Variants in KCNT2 observed in about 807,000 individuals in gnomAD.
KCNT2 encodes the protein potassium channel subfamily T member 2.
KCNT2 carries 67 observed loss-of-function variants against 153.8 expected under a neutral mutation model. That is an observed-to-expected ratio of 0.44 (90% CI 0.36 to 0.53). The LOEUF (loss-of-function observed/expected upper bound fraction) is 0.53, where lower values mean the gene tolerates loss of function less well. Among genes scored for constraint, KCNT2 ranks in the 20% least tolerant of loss-of-function variants. KCNT2 has a pLI of 0.00. For synonymous variants in KCNT2, 500 were observed against 458.8 expected (o/e 1.09, Z -1.15); for missense variants, 975 against 1,354.8 (o/e 0.72, Z 4.40).
At chr1:196,274,421 T>G (rs1174522055) in intron 25 of KCNT2, among the ~76,000 whole-genome samples, 1 of 151,668 alleles carries the variant, frequency 6.6e-6, no homozygotes. Context: ...TTCTTGAAAC[T>G]ATTTCAGGAT....
At chr1:196,343,041 G>C (rs1428429098) in intron 14 of KCNT2, 2 of 152,158 alleles carry the variant, frequency 1.3e-5, no homozygotes, top group African/African-American at 4.8e-5. Flanking sequence ...TTAAAACTCA[G>C]AAGGGGGCCC....
chr1:196,441,211 A>G (rs1359071160), intron 8 of KCNT2, among the ~76,000 whole-genome samples: 5 of 151,860 alleles, frequency 3.3e-5, no homozygotes, highest in Non-Finnish European at 7.4e-5. Context: ...TTAAACACCT[A>G]TGAAACATCT....
intron 11 of KCNT2, 27 bp from the exon 12 acceptor site, chr1:196,423,140 A>T: frequency 6.9e-7 from 1 of 1,453,420 alleles, no homozygotes; most frequent in Non-Finnish European, 9.5e-7. Flanking sequence ...AAACAAAATA[A>T]TCACACACTG....
At chr1:196,266,118 A>G (rs999370154) in intron 25 of KCNT2, among the ~76,000 whole-genome samples, 2 of 152,194 alleles carry the variant, frequency 1.3e-5, no homozygotes, top group African/African-American at 4.8e-5. Flanking sequence ...CCACTTGGAA[A>G]TTCTTAAATT....
chr1:196,287,123 A>G (rs894928025), intron 22 of KCNT2, among the ~76,000 whole-genome samples: 2 of 152,078 alleles, frequency 1.3e-5, no homozygotes, highest in African/African-American at 4.8e-5. Flanking sequence ...GGGAGAAGGT[A>G]AGGCAAAGGA....
chr1:196,228,359 T>A (rs1653654266), intron 27 of KCNT2, 24 bp from the exon 28 acceptor site: 1 of 1,278,250 alleles, frequency 7.8e-7, no homozygotes, highest in Admixed American at 1.9e-5. Context: ...ACAAAATAAA[T>A]AACTTTGCAA....
rs143860054 is a variant in KCNT2 at position 196,429,008 on chromosome 1, CTT to C, written c.819+567_819+568del. Among the ~76,000 whole-genome samples the C allele has an allele frequency of 7.3e-4, 101 of 138,806 alleles. 1 individual carries two copies. Among genetic ancestry groups the C allele is most frequent in the Admixed American group, 1.0e-3 (14 of 13,818 alleles). 91.1% of individuals were successfully genotyped at this position (138,806 alleles called of 152,430 possible). A position where few individuals can be genotyped will look rare whatever the true frequency, so the allele number is the denominator to read the frequency against. On this transcript the variant is annotated intron_variant, in intron 9 of 27. Coordinates refer to ENST00000294725, the MANE Select transcript of KCNT2 (RefSeq NM_198503.5). ...ATAATATTTACATACCATGTTCAGACTTTTTTTTTTTTTTTTGTAGAGATGGG... is the reference window on the plus strand; with the variant it reads ...ATAATATTTACATACCATGTTCAGACTTTTTTTTTTTTTTGTAGAGATGGG...
At chr1:196,574,487 G>T (rs182918471) in intron 1 of KCNT2, among the ~76,000 whole-genome samples, 7 of 151,694 alleles carry the variant, frequency 4.6e-5, no homozygotes, top group African/African-American at 1.7e-4. Flanking sequence ...TAAAAAACTT[G>T]GAATCCAGGT....
chr1:196,358,602 T>C (rs182438769), intron 14 of KCNT2, among the ~76,000 whole-genome samples: 62 of 152,116 alleles, frequency 4.1e-4, no homozygotes, highest in Middle Eastern at 3.4e-3. Flanking sequence ...AATCTCTTTT[T>C]AATGTACTTT....
chr1:196,505,643 G>A (rs1341816135), intron 1 of KCNT2, among the ~76,000 whole-genome samples: 4 of 151,980 alleles, frequency 2.6e-5, no homozygotes, highest in Non-Finnish European at 5.9e-5. Flanking sequence ...AGCTTGATGG[G>A]GATGGCATTG....
intron 1 of KCNT2, among the ~76,000 whole-genome samples, chr1:196,533,856 GA>G (rs1257321851): frequency 1.3e-5 from 2 of 152,088 alleles, no homozygotes; most frequent in Non-Finnish European, 2.9e-5. Flanking sequence ...GCTCTGAATG[GA>G]AAATCCATGA....
At chr1:196,228,933 A>T (rs1653710449) in intron 27 of KCNT2, among the ~76,000 whole-genome samples, 1 of 152,124 alleles carries the variant, frequency 6.6e-6, no homozygotes, top group East Asian at 1.9e-4. Context: ...AAAATTATTT[A>T]TCTAAAATTC....
intron 13 of KCNT2, among the ~76,000 whole-genome samples, chr1:196,389,583 C>T: frequency 6.6e-6 from 1 of 151,680 alleles, no homozygotes; most frequent in Admixed American, 6.6e-5. Flanking sequence ...TTTAAACTTT[C>T]AAGGGCAGTG....
chr1:196,288,486 C>T (rs1247406901), intron 22 of KCNT2, among the ~76,000 whole-genome samples: 1 of 151,958 alleles, frequency 6.6e-6, no homozygotes, highest in Admixed American at 6.6e-5. Flanking sequence ...TTTTAGGATG[C>T]TCACTTTGAT....
chr1:196,516,931 TCTC>T (rs1452255795), intron 1 of KCNT2, among the ~76,000 whole-genome samples: 15 of 152,106 alleles, frequency 9.9e-5, no homozygotes. Context: ...GGGTCCCTGA[TCTC>T]ATACTTCCTC....
intron 1 of KCNT2, among the ~76,000 whole-genome samples, chr1:196,563,556 CAAAG>C (rs1228958300): frequency 6.7e-6 from 1 of 149,784 alleles, no homozygotes; most frequent in East Asian, 2.0e-4. Flanking sequence ...CAAAAATAGA[CAAAG>C]AAACTACAAG....
chr1:196,571,725 A>T (rs902243652), intron 1 of KCNT2, among the ~76,000 whole-genome samples: 1 of 152,062 alleles, frequency 6.6e-6, no homozygotes, highest in Non-Finnish European at 1.5e-5. Context: ...GTTTCCAGAG[A>T]TCCAGCAGAT....
chr1:196,394,595 T>G (rs891782059), intron 13 of KCNT2, among the ~76,000 whole-genome samples: 9 of 151,506 alleles, frequency 5.9e-5, no homozygotes, highest in African/African-American at 2.2e-4. Flanking sequence ...ACCATGCAGT[T>G]GAAGATTCAA....
intron 25 of KCNT2, among the ~76,000 whole-genome samples, chr1:196,277,318 T>A (rs1239135506): frequency 6.6e-6 from 1 of 152,098 alleles, no homozygotes; most frequent in Non-Finnish European, 1.5e-5. Context: ...TCTGGCTGGA[T>A]TACAAACTTA....
Sources: allele counts gnomAD v4.1 joint callset (sites outside exome capture counted in the v4.1 genomes callset), GRCh38; gene constraint gnomAD v4.1.1; transcripts MANE v1.5; gene names NCBI Gene and HGNC (gene_info 2026-07-23, HGNC 2026-07-21).